EPS15: variants seen among roughly 807,000 people sequenced by gnomAD.
EPS15 encodes epidermal growth factor receptor substrate 15.
In EPS15, 72 loss-of-function variants were observed where a neutral mutation model predicts 113.8. The ratio of observed to expected loss-of-function variants is 0.63; its 90% CI spans 0.52 to 0.77. EPS15 has a LOEUF of 0.77. EPS15 is among the 30% of genes least tolerant of loss of function. The probability of loss-of-function intolerance (pLI) is 0.00; values close to 1 mark genes in which losing one functional copy is unlikely to be tolerated. For synonymous variants in EPS15, 344 were observed against 363.4 expected (o/e 0.95, Z 0.61); for missense variants, 1,048 against 1,045.8 (o/e 1.00, Z -0.03).
Position 51,363,916 on chromosome 1 carries a change from G to T in EPS15, c.2309C>A (p.Ala770Glu). 1 of 1,613,996 alleles carries T rather than the reference G, an allele frequency of 6.2e-7. No homozygotes were observed. Among genetic ancestry groups the T allele is most frequent in the Non-Finnish European group, 8.5e-7 (1 of 1,179,920 alleles). The change falls in exon 23 of 25, where the codon GCA (alanine) becomes GAA (glutamate). Residue 770 changes from alanine (A) to glutamate (E), a missense_variant. Ala to Glu is a moderately radical substitution (Grantham distance 107, BLOSUM62 -1). Coordinates refer to ENST00000371733, the MANE Select transcript of EPS15 (RefSeq NM_001981.3). The part of the protein sequence containing the change: ...TSVKSEDEPP[A>E]LPPKIGTPTR... Reference sequence around the variant, plus strand: ...TGGAGTTCCGATCTTTGGTGGCAGTGCTGGGGGTTCATCTTCACTTTTGAC... The same window carrying T: ...TGGAGTTCCGATCTTTGGTGGCAGTTCTGGGGGTTCATCTTCACTTTTGAC...
chr1:51,480,121 CTATA>C (rs767207307), intron 2 of EPS15, among the ~76,000 whole-genome samples: 1 of 152,086 alleles, frequency 6.6e-6, no homozygotes, highest in Non-Finnish European at 1.5e-5. Flanking sequence ...TTAGAAGTTG[CTATA>C]TAGTTTATAG....
At chr1:51,484,847 CTATG>C (rs1644091204) in intron 1 of EPS15, among the ~76,000 whole-genome samples, 1 of 152,146 alleles carries the variant, frequency 6.6e-6, no homozygotes, top group Non-Finnish European at 1.5e-5. Context: ...CACCAGCTGG[CTATG>C]TCAGTGGGAA....
intron 20 of EPS15, among the ~76,000 whole-genome samples, chr1:51,396,152 A>G (rs533329657): frequency 7.0e-6 from 1 of 142,858 alleles, no homozygotes; most frequent in East Asian, 1.9e-4. Context: ...CAACTAGCAC[A>G]CTAACTTAGA....
At chr1:51,466,493 G>A (rs1654852669) in intron 5 of EPS15, among the ~76,000 whole-genome samples, 1 of 151,344 alleles carries the variant, frequency 6.6e-6, no homozygotes, top group African/African-American at 2.4e-5. Flanking sequence ...TGTGGTGGTG[G>A]GTGCCTGTAA....
chr1:51,378,015 C>T (rs1646844154), intron 21 of EPS15, among the ~76,000 whole-genome samples: 1 of 151,848 alleles, frequency 6.6e-6, no homozygotes, highest in African/African-American at 2.4e-5. Flanking sequence ...CCTGCCTCAG[C>T]CTCCCAAGTA....
chr1:51,436,319 G>C (rs1652148251), intron 12 of EPS15, among the ~76,000 whole-genome samples: 1 of 152,066 alleles, frequency 6.6e-6, no homozygotes, highest in South Asian at 2.1e-4. Flanking sequence ...GTCCAAAGGA[G>C]GAAAAGGCTC....
At chr1:51,435,303 C>T (rs919820755) in intron 12 of EPS15, among the ~76,000 whole-genome samples, 3 of 152,006 alleles carry the variant, frequency 2.0e-5, no homozygotes, top group Non-Finnish European at 4.4e-5. Context: ...AAGCGATTCT[C>T]GTGTCTCAGC....
chr1:51,379,990 G>A (rs1457680711), intron 21 of EPS15, among the ~76,000 whole-genome samples: 1 of 151,802 alleles, frequency 6.6e-6, no homozygotes, highest in Admixed American at 6.6e-5. Flanking sequence ...TGAAGCGACA[G>A]GGGGAGGATG....
intron 1 of EPS15, among the ~76,000 whole-genome samples, chr1:51,501,868 G>A (rs191573288): frequency 4.9e-4 from 75 of 152,320 alleles, no homozygotes; most frequent in African/African-American, 1.8e-3. Flanking sequence ...TTGCAGGGGA[G>A]AGTCTAATAA....
chr1:51,404,995 T>C (rs138852007), intron 16 of EPS15, among the ~76,000 whole-genome samples: 1 of 152,374 alleles, frequency 6.6e-6, no homozygotes, highest in East Asian at 1.9e-4. Flanking sequence ...TTCTTCCACC[T>C]TGTACCTATA....
intron 20 of EPS15, 50 bp from the exon 21 acceptor site, chr1:51,394,497 T>C: frequency 9.0e-7 from 1 of 1,113,552 alleles, no homozygotes; most frequent in Non-Finnish European, 1.3e-6. Flanking sequence ...ACTTCACAGC[T>C]GAAACCTCAT....
chr1:51,499,574 T>G (rs1644379270), intron 1 of EPS15, among the ~76,000 whole-genome samples: 1 of 152,174 alleles, frequency 6.6e-6, no homozygotes, highest in South Asian at 2.1e-4. Flanking sequence ...TACATTCCCA[T>G]GAGCCATGCA....
chr1:51,463,844 A>T, intron 6 of EPS15, 46 bp from the exon 7 acceptor site: 1 of 1,232,888 alleles, frequency 8.1e-7, no homozygotes, highest in Non-Finnish European at 1.2e-6. Flanking sequence ...AGAGAAAAGG[A>T]TTTAACTGCA....
rs149516926 is a variant in EPS15 at position 51,395,986 on chromosome 1, G to A, written c.2053-1539C>T. ...GTTAAAAAAATTAATTGTAGAGAAA[G>A]GTAATGTTAACTGGGACTAACCTTC... On this transcript the variant is annotated intron_variant, in intron 20 of 24. Coordinates refer to ENST00000371733, the MANE Select transcript of EPS15 (RefSeq NM_001981.3). 7.1e-3 allele frequency among the ~76,000 whole-genome samples: 1,079 copies of A among 152,168 alleles called. 7 individuals are homozygous for A. The highest frequency in any genetic ancestry group is 0.025 in the African/African-American group (1,036 of 41,516).
chr1:51,435,102 T>TA (rs1652036839), intron 12 of EPS15, among the ~76,000 whole-genome samples: 1 of 151,814 alleles, frequency 6.6e-6, no homozygotes, highest in African/African-American at 2.4e-5. Flanking sequence ...TGCAGAATAT[T>TA]TAAAAAAAAA....
At chr1:51,445,098 C>T in intron 10 of EPS15, 53 bp from the exon 11 acceptor site, 1 of 1,521,334 alleles carries the variant, frequency 6.6e-7, no homozygotes, top group Non-Finnish European at 8.9e-7. Context: ...TGCAAAAAGT[C>T]CAGAGAAAAA....
intron 1 of EPS15, among the ~76,000 whole-genome samples, chr1:51,515,863 T>C (rs1644706817): frequency 6.6e-6 from 1 of 152,252 alleles, no homozygotes; most frequent in South Asian, 2.1e-4. Context: ...GCTTACTTAC[T>C]AGCTTCTCTA....
chr1:51,359,132 A>T (rs988096563), intron 24 of EPS15, among the ~76,000 whole-genome samples: 1 of 152,156 alleles, frequency 6.6e-6, no homozygotes, highest in Non-Finnish European at 1.5e-5. Context: ...TGCTTGAAAC[A>T]AATCAAATTC....
At chr1:51,467,217 T>C (rs960873495) in intron 5 of EPS15, among the ~76,000 whole-genome samples, 2 of 152,106 alleles carry the variant, frequency 1.3e-5, no homozygotes, top group Admixed American at 1.3e-4. Flanking sequence ...ACTCAAACAA[T>C]TGCTGGAGGG....
Sources: gnomAD v4.1 joint callset for allele counts (sites outside exome capture counted in the v4.1 genomes callset) on GRCh38, gnomAD v4.1.1 for gene constraint, MANE v1.5 for transcripts, NCBI Gene and HGNC (gene_info 2026-07-23, HGNC 2026-07-21) for gene names.